The following CELSR1 variants were observed in gnomAD, a reference collection of about 807,000 sequenced individuals.
CELSR1 encodes the protein adhesion G protein-coupled receptor C1.
CELSR1 carries 110 observed loss-of-function variants against 249.1 expected under a neutral mutation model. The ratio of observed to expected loss-of-function variants is 0.44; its 90% CI spans 0.38 to 0.52. CELSR1 has a LOEUF of 0.52. Ranked by LOEUF, CELSR1 falls within the 20% of genes least tolerant of loss-of-function variation. The probability of loss-of-function intolerance (pLI) is 0.00; values close to 1 mark genes in which losing one functional copy is unlikely to be tolerated. For synonymous variants in CELSR1, 2,113 were observed against 1,900.0 expected (o/e 1.11, Z -2.92); for missense variants, 4,109 against 4,296.4 (o/e 0.96, Z 1.22).
chr22:46,367,115 G>T lies in CELSR1; in HGVS notation c.8083C>A (p.Pro2695Thr), dbSNP rs753608642. The change falls in exon 29 of 35, where the codon CCC becomes ACC. Residue 2695 changes from proline to threonine, a missense_variant. Pro to Thr is a conservative substitution (Grantham distance 38). Coordinates refer to ENST00000674500, the MANE Select transcript of CELSR1 (RefSeq NM_001378328.1). ...ACGCAGTGGAAAAGGAGGACGAAGGGGCCCTGGAGGGAGGAAGGTGGGGTC... is the reference window on the plus strand; with the variant it reads ...ACGCAGTGGAAAAGGAGGACGAAGGTGCCCTGGAGGGAGGAAGGTGGGGTC... ...LFAIFSGLQGPFVLLFHCVLN... is the reference protein window; with the variant it reads ...LFAIFSGLQGTFVLLFHCVLN... 2 of 1,610,620 alleles carry T rather than the reference G, an allele frequency of 1.2e-6. No individual in the cohort carries two copies. Among genetic ancestry groups the T allele is most frequent in the Non-Finnish European group, 1.7e-6 (2 of 1,179,444 alleles).
At chr22:46,466,782 C>G (rs531638350) in intron 1 of CELSR1, among the ~76,000 whole-genome samples, 1 of 152,202 alleles carries the variant, frequency 6.6e-6, no homozygotes, top group African/African-American at 2.4e-5. Flanking sequence ...ACTGTGTCTC[C>G]TCAAAATTCT....
chr22:46,409,277 C>T lies in CELSR1; in HGVS notation c.5060-115G>A, dbSNP rs922754842. The T allele has an allele frequency of 4.6e-5, 51 of 1,099,316 alleles. No individual in the cohort carries two copies. The highest frequency in any genetic ancestry group is 6.0e-5 in the Non-Finnish European group (47 of 777,906). The allele number at this position is 1,099,316 out of a possible 1,614,324, so 68.1% of individuals were successfully genotyped here. On this transcript the variant is annotated intron_variant, in intron 8 of 34. Transcript: ENST00000674500. The surrounding 1 kb of genome is among the most constrained non-coding windows in gnomAD (Gnocchi z 9.8). ...TAGGCCTGGGCCTTTTTCACTTTAA[C>T]ACGAAGGTGGGTCTGAGCCTCCCCT...
intron 1 of CELSR1, among the ~76,000 whole-genome samples, chr22:46,530,123 A>G (rs1451299235): frequency 6.6e-6 from 1 of 151,924 alleles, no homozygotes; most frequent in African/African-American, 2.4e-5. Flanking sequence ...CAGACTGAAT[A>G]ACATAGTGAG....
chr22:46,365,553 C>A (rs777881067), intron 31 of CELSR1, 33 bp downstream of exon 31: 2 of 1,560,842 alleles, frequency 1.3e-6, no homozygotes, highest in Non-Finnish European at 1.7e-6. Context: ...GAAAAACAAC[C>A]CACGGGGTCC....
Position 46,499,863 on chromosome 22 carries a change from C to T in CELSR1, c.3544+33764G>A, listed in dbSNP as rs150770268. Among the ~76,000 whole-genome samples, 688 of 152,234 alleles carry T rather than the reference C, an allele frequency of 4.5e-3. 7 individuals carry two copies. Among genetic ancestry groups the T allele is most frequent in the African/African-American group, 0.014 (601 of 41,516 alleles). ...TTCTCATCTGTCAGACATAAAACCC[C>T]TCCACCGTCTGCAAACCCCTCTCCT... On this transcript the variant is annotated intron_variant, in intron 1 of 34. Transcript: ENST00000674500.
At chr22:46,461,419 A>T (rs3788694) in intron 2 of CELSR1, among the ~76,000 whole-genome samples, 1 of 152,108 alleles carries the variant, frequency 6.6e-6, no homozygotes, top group African/African-American at 2.4e-5. Context: ...AATCATCTTC[A>T]GAGGGGATCT....
intron 5 of CELSR1, among the ~76,000 whole-genome samples, chr22:46,420,757 C>T (rs2079461749): frequency 6.6e-6 from 1 of 152,176 alleles, no homozygotes; most frequent in African/African-American, 2.4e-5. Context: ...AGTCCCCCTG[C>T]CTCTTCTTGC....
chr22:46,367,188 A>G, intron 28 of CELSR1, 70 bp from the exon 29 acceptor site: 1 of 1,553,722 alleles, frequency 6.4e-7, no homozygotes, highest in Non-Finnish European at 8.7e-7. Context: ...GCGCCCCAGC[A>G]CAGATGCGCA....
At chr22:46,443,653 A>C (rs919371549) in intron 2 of CELSR1, among the ~76,000 whole-genome samples, 1 of 132,464 alleles carries the variant, frequency 7.5e-6, no homozygotes, top group African/African-American at 3.0e-5. Context: ...ATGTCCATAC[A>C]CCTGTTCACA....
rs780293268 is a variant in CELSR1 at position 46,535,752 on chromosome 22, C to A, written c.1419G>T (p.Gly473=). 6.8e-6 allele frequency: 11 copies of A among 1,612,408 alleles called. No individual in the cohort carries two copies. The highest frequency in any genetic ancestry group is 9.3e-6 in the Non-Finnish European group (11 of 1,180,026). Residue 473 remains glycine, a synonymous_variant, in exon 1 of 35, where the codon GGG becomes GGT. Transcript: ENST00000674500. ...GCACTCGCAGCACAGCCGTGTTGAG[C>A]CCCACGTCCTCGGGCACCTGGACCA... The part of the protein sequence containing the change: ...NYVVQVPEDV[G]LNTAVLRVQA...
At chr22:46,524,555 T>C (rs905409108) in intron 1 of CELSR1, among the ~76,000 whole-genome samples, 2 of 120,432 alleles carry the variant, frequency 1.7e-5, no homozygotes, top group Admixed American at 9.3e-5. Flanking sequence ...TGTGTGTGTG[T>C]GTGTGTGTGT....
rs1279032439 is a variant in CELSR1 at position 46,512,108 on chromosome 22, C to T, written c.3544+21519G>A. Among the ~76,000 whole-genome samples, 1 of 152,172 alleles carries T rather than the reference C, an allele frequency of 6.6e-6. No homozygotes were observed. The highest frequency in any genetic ancestry group is 1.5e-5 in the Non-Finnish European group (1 of 68,034). ...TCCCAGCCCAGTGGCCCCCACGCTG[C>T]CAGGAGCTCTCAGTGTGGCAAACAC... On this transcript the variant is annotated intron_variant, in intron 1 of 34. Coordinates refer to ENST00000674500, the MANE Select transcript of CELSR1 (RefSeq NM_001378328.1). The surrounding 1 kb of genome is among the most constrained non-coding windows in gnomAD (Gnocchi z 5.2).
Position 46,384,560 on chromosome 22 carries a change from C to G in CELSR1, c.6866G>C (p.Arg2289Thr), listed in dbSNP as rs2079012180. 1 of 1,610,912 alleles carries G rather than the reference C, an allele frequency of 6.2e-7. No individual in the cohort carries two copies. Among genetic ancestry groups the G allele is most frequent in the Non-Finnish European group, 8.5e-7 (1 of 1,178,700 alleles). The change falls in exon 20 of 35, where the codon AGA becomes ACA. Residue 2289 changes from arginine (R) to threonine (T), a missense_variant. Around this residue, in one of 7 missense-constraint regions of CELSR1, gnomAD observed 1,805 missense variants for 1,831.6 expected, o/e 0.99. Coordinates refer to ENST00000674500, the MANE Select transcript of CELSR1 (RefSeq NM_001378328.1). ...GGTTTTACCTTTTTCTTCAGGTGGT[C>G]TGAAGAAGTCGGCTGGGAAGGAGAC... ...SSVSFPADFFRPPEEKEGPLL... is the reference protein window; with the variant it reads ...SSVSFPADFFTPPEEKEGPLL...
chr22:46,367,048 C>T lies in CELSR1; in HGVS notation c.8150G>A (p.Gly2717Asp), dbSNP rs1483031937. The T allele has an allele frequency of 6.2e-7, 1 of 1,611,112 alleles. No individual in the cohort carries two copies. The highest frequency in any genetic ancestry group is 1.1e-5 in the South Asian group (1 of 90,774). Reference protein sequence around the residue: ...EVRKHLKGVLGGRKLHLEDSA... With the variant: ...EVRKHLKGVLDGRKLHLEDSA... Reference sequence around the variant, plus strand: ...GTCCTCCAGGTGCAGCTTCCTCCCGCCGAGCACGCCCTTCAGGTGCTTCCG... The same window carrying T: ...GTCCTCCAGGTGCAGCTTCCTCCCGTCGAGCACGCCCTTCAGGTGCTTCCG... Residue 2717 changes from glycine (G) to aspartate (D), a missense_variant, in exon 29 of 35, where the codon GGC becomes GAC. By Grantham distance (94) the Gly-to-Asp change is moderately conservative. This residue lies in a region of CELSR1 where 1,805 missense variants were observed against 1,831.6 expected (regional missense o/e 0.99). Transcript: ENST00000674500.
Position 46,536,861 on chromosome 22 carries a change from G to A in CELSR1, c.310C>T (p.Arg104Cys). Reference sequence around the variant, plus strand: ...GGAAGGTGCGTGCGCGCCCGCAGGCGGCGGCTCAGCGCCGTCGGGGCACTG... The same window carrying A: ...GGAAGGTGCGTGCGCGCCCGCAGGCAGCGGCTCAGCGCCGTCGGGGCACTG... Reference protein sequence around the residue: ...ARSAPTALSRRLRARTHLPGC... With the variant: ...ARSAPTALSRCLRARTHLPGC... The change falls in exon 1 of 35, where the codon CGC becomes TGC. Residue 104 changes from arginine to cysteine, a missense_variant. By Grantham distance (180) the Arg-to-Cys change is radical. Coordinates refer to ENST00000674500, the MANE Select transcript of CELSR1 (RefSeq NM_001378328.1). The A allele has an allele frequency of 1.6e-6, 2 of 1,233,554 alleles. No individual in the cohort carries two copies. The highest frequency in any genetic ancestry group is 2.4e-5 in the South Asian group (1 of 41,244). The allele number at this position is 1,233,554 out of a possible 1,614,324, so 76.4% of individuals were successfully genotyped here.
At position 46,384,602 on chromosome 22, in the gene CELSR1, C is replaced by G. The variant is rs1243265149; in HGVS notation, c.6824G>C (p.Arg2275Thr). ...GAAGGAGACGGAGGACTCCAGCTCC[C>G]TGGGGAACTCTTCATGGATGGTGTC... ...RFDTIHEEFPRELESSVSFPA... is the reference protein window; with the variant it reads ...RFDTIHEEFPTELESSVSFPA... Residue 2275 changes from arginine to threonine, a missense_variant, in exon 20 of 35, where the codon AGG becomes ACG. Arg to Thr is a moderately conservative substitution (Grantham distance 71, BLOSUM62 -1). Transcript: ENST00000674500. The G allele has an allele frequency of 2.5e-6, 4 of 1,613,690 alleles. No individual in the cohort carries two copies. In the African/African-American group the frequency reaches 5.3e-5, roughly 22 times the overall value.
chr22:46,366,348 C>T (rs1314568575), intron 30 of CELSR1, 38 bp downstream of exon 30: 19 of 1,453,980 alleles, frequency 1.3e-5, no homozygotes, highest in Middle Eastern at 1.8e-4. Context: ...TGAGGGAGTT[C>T]GAGAGCCACC....
At position 46,381,343 on chromosome 22, in the gene CELSR1, A is replaced by ACT. The variant is rs2078975801; in HGVS notation, c.7089-389_7089-388insAG. Among the ~76,000 whole-genome samples the ACT allele has an allele frequency of 7.9e-5, 12 of 152,336 alleles. 1 individual carries two copies. The highest frequency in any genetic ancestry group is 5.9e-4 in the Admixed American group (9 of 15,304). ...CACCCAGTCACTGAGAACCACGTGA[A>ACT]CACGAGGATCCCAGAGCCAGGGAAG... On this transcript the variant is annotated intron_variant, in intron 21 of 34. Coordinates refer to ENST00000674500, the MANE Select transcript of CELSR1 (RefSeq NM_001378328.1). The surrounding 1 kb of genome is among the most constrained non-coding windows in gnomAD (Gnocchi z 6.0).
rs767573964 is a variant in CELSR1 at position 46,441,458 on chromosome 22, G to A, written c.4184-2047C>T. 2.4e-4 allele frequency among the ~76,000 whole-genome samples: 37 copies of A among 152,140 alleles called. No homozygotes were observed. Among genetic ancestry groups the A allele is most frequent in the Non-Finnish European group, 4.7e-4 (32 of 67,996 alleles). On this transcript the variant is annotated intron_variant, in intron 2 of 34. Coordinates refer to ENST00000674500, the MANE Select transcript of CELSR1 (RefSeq NM_001378328.1). This position sits in a 1 kb window ranked among gnomAD's most constrained non-coding sequence, Gnocchi z 6.1. ...GACAGAATGAAAACACACTTACGACGCCTCAGTCTGCTTGGGCTGCCATAA... is the reference window on the plus strand; with the variant it reads ...GACAGAATGAAAACACACTTACGACACCTCAGTCTGCTTGGGCTGCCATAA...
Sources: gnomAD v4.1 joint callset for allele counts (sites outside exome capture counted in the v4.1 genomes callset) on GRCh38, gnomAD v4.1.1 for gene constraint, gnomAD v4.1.1 regional missense constraint, Gnocchi (gnomAD v3.1) non-coding constraint, MANE v1.5 for transcripts, NCBI Gene and HGNC (gene_info 2026-07-23, HGNC 2026-07-21) for gene names.